PARD3B: variants seen among roughly 807,000 people sequenced by gnomAD.
PARD3B encodes the protein par-3 family cell polarity regulator beta.
PARD3B carries 103 observed loss-of-function variants against 130.2 expected under a neutral mutation model. That is an observed-to-expected ratio of 0.79 (90% CI 0.67 to 0.93). The LOEUF (loss-of-function observed/expected upper bound fraction) is 0.93, where lower values mean the gene tolerates loss of function less well. Ranked by LOEUF, PARD3B falls within the 40% of genes least tolerant of loss-of-function variation. The pLI, the probability that PARD3B is intolerant of heterozygous loss-of-function variation, is 0.00. For synonymous variants in PARD3B, 583 were observed against 553.2 expected (o/e 1.05, Z -0.76); for missense variants, 1,609 against 1,499.2 (o/e 1.07, Z -1.21).
rs2041659257 is a variant in PARD3B, at chr2:205,292,867, C to CTT, written c.2186-7663_2186-7662insTT. Among the ~76,000 whole-genome samples the CTT allele has an allele frequency of 6.6e-6, 1 of 152,146 alleles. No individual in the cohort carries two copies. Among genetic ancestry groups the CTT allele is most frequent in the African/African-American group, 2.4e-5 (1 of 41,428 alleles). On this transcript the variant is annotated intron_variant, in intron 16 of 22. Transcript: ENST00000406610. The surrounding 1 kb of genome is among the most constrained non-coding windows in gnomAD (Gnocchi z 5.3). ...CTTCCATTCCTCTTAGGACCAAGCA[C>CTT]AGTTATGAGCCACAAAAAATACCCA...
intron 16 of PARD3B, among the ~76,000 whole-genome samples, chr2:205,266,279 G>A (rs1358195014): frequency 6.6e-6 from 1 of 152,070 alleles, no homozygotes; most frequent in Non-Finnish European, 1.5e-5. Context: ...ACTGAATTTA[G>A]AACAAGAAGT....
chr2:205,198,668 G>A (rs1289845552), intron 15 of PARD3B, among the ~76,000 whole-genome samples: 1 of 151,944 alleles, frequency 6.6e-6, no homozygotes, highest in Non-Finnish European at 1.5e-5. Flanking sequence ...TACATTTCTA[G>A]TATCAGCTCA....
intron 20 of PARD3B, 42 bp from the exon 21 acceptor site, chr2:205,499,854 A>G (rs1384720602): frequency 6.3e-7 from 1 of 1,583,010 alleles, no homozygotes; most frequent in Non-Finnish European, 8.6e-7. Context: ...TTCAAAGATG[A>G]TGTACACTGT....
At chr2:205,580,453 G>A (rs1016236292) in intron 22 of PARD3B, among the ~76,000 whole-genome samples, 5 of 152,140 alleles carry the variant, frequency 3.3e-5, no homozygotes, top group African/African-American at 1.2e-4. Flanking sequence ...TGTTACAGGA[G>A]GGCATGTTGA....
rs1200840529 is a variant in PARD3B at position 205,563,253 on chromosome 2, T to C, written c.3260+9850T>C. Among the ~76,000 whole-genome samples, 1 of 152,208 alleles carries C rather than the reference T, an allele frequency of 6.6e-6. No individual in the cohort carries two copies. Among genetic ancestry groups the C allele is most frequent in the Non-Finnish European group, 1.5e-5 (1 of 68,026 alleles). On this transcript the variant is annotated intron_variant, in intron 22 of 22. Transcript: ENST00000406610. The surrounding 1 kb of genome is among the most constrained non-coding windows in gnomAD (Gnocchi z 4.2). ...AAATAGAAAATAAAACTAAGAACAA[T>C]CAAGGCAAGGGAGAGGTTGTAAAAC...
intron 22 of PARD3B, among the ~76,000 whole-genome samples, chr2:205,586,232 G>C (rs2054192186): frequency 1.3e-5 from 2 of 152,162 alleles, no homozygotes. Context: ...CCAATTCTCA[G>C]TTCAAGTTAC....
intron 4 of PARD3B, among the ~76,000 whole-genome samples, chr2:205,052,073 G>A (rs1283973404): frequency 6.6e-6 from 1 of 151,990 alleles, no homozygotes; most frequent in Non-Finnish European, 1.5e-5. Context: ...TTGTAACCTG[G>A]TGTTCTTGGC....
At chr2:205,469,241 A>G (rs1313418034) in intron 20 of PARD3B, among the ~76,000 whole-genome samples, 1 of 152,192 alleles carries the variant, frequency 6.6e-6, no homozygotes, top group Non-Finnish European at 1.5e-5. Context: ...CCTTAGCTAC[A>G]TGACTTCAAG....
intron 2 of PARD3B, among the ~76,000 whole-genome samples, chr2:204,782,036 C>T (rs1161809202): frequency 1.3e-5 from 2 of 151,972 alleles, no homozygotes; most frequent in Non-Finnish European, 2.9e-5. Context: ...TGATGAGAAA[C>T]AATGAAAATT....
intron 1 of PARD3B, among the ~76,000 whole-genome samples, chr2:204,667,730 T>TCA (rs1466026211): frequency 1.3e-5 from 2 of 152,276 alleles, no homozygotes; most frequent in East Asian, 3.9e-4. Flanking sequence ...AAAAAGGCAG[T>TCA]CACACATAGT....
At chr2:205,609,212 A>G (rs1247575325) in intron 22 of PARD3B, among the ~76,000 whole-genome samples, 2 of 152,216 alleles carry the variant, frequency 1.3e-5, no homozygotes, top group Non-Finnish European at 2.9e-5. Flanking sequence ...TGGAAACCTG[A>G]CACTAAAGGA....
Position 205,321,493 on chromosome 2 carries a change from T to TC in PARD3B, c.2630+19798dup, listed in dbSNP as rs1491048946. ...CTCTCTCTTTCCCTCTCTCTCTCTCTCCCCCCGCCCATATGAATGTATATG... is the reference window on the plus strand; with the variant it reads ...CTCTCTCTTTCCCTCTCTCTCTCTCTCCCCCCCGCCCATATGAATGTATATG... On this transcript the variant is annotated intron_variant, in intron 18 of 22. Coordinates refer to ENST00000406610, the MANE Select transcript of PARD3B (RefSeq NM_001302769.2). This position sits in a 1 kb window ranked among gnomAD's most constrained non-coding sequence, Gnocchi z 4.2. 6.6e-6 allele frequency among the ~76,000 whole-genome samples: 1 copy of TC among 151,796 alleles called. No homozygotes were observed. Among genetic ancestry groups the TC allele is most frequent in the East Asian group, 1.9e-4 (1 of 5,176 alleles).
At chr2:204,968,860 T>C (rs1691467962) in intron 3 of PARD3B, among the ~76,000 whole-genome samples, 1 of 152,176 alleles carries the variant, frequency 6.6e-6, no homozygotes, top group Non-Finnish European at 1.5e-5. Context: ...GCTGATGGGG[T>C]ATATATTTTT....
At chr2:205,113,304 A>G (rs899574625) in intron 5 of PARD3B, among the ~76,000 whole-genome samples, 187 bp from the exon 6 acceptor site, 37 of 152,006 alleles carry the variant, frequency 2.4e-4, no homozygotes, top group Admixed American at 1.4e-3. Context: ...ACTTTTAAAC[A>G]TTTTGTTTTC....
intron 14 of PARD3B, among the ~76,000 whole-genome samples, chr2:205,186,906 C>T (rs1046107742): frequency 6.6e-6 from 1 of 152,142 alleles, no homozygotes; most frequent in Non-Finnish European, 1.5e-5. Context: ...ATAAAAAAAG[C>T]CATTTAAAAC....
chr2:205,118,445 T>C (rs1196839193), intron 6 of PARD3B, among the ~76,000 whole-genome samples: 1 of 152,192 alleles, frequency 6.6e-6, no homozygotes, highest in East Asian at 1.9e-4. Flanking sequence ...CTGAGTAATA[T>C]GATCTGAGCT....
intron 15 of PARD3B, among the ~76,000 whole-genome samples, chr2:205,197,074 TGA>T (rs1184750726): frequency 7.5e-4 from 108 of 143,938 alleles, no homozygotes; most frequent in Middle Eastern, 7.0e-3. Flanking sequence ...TGTGTGTGTG[TGA>T]GAGAGAGAGA....
intron 19 of PARD3B, among the ~76,000 whole-genome samples, chr2:205,411,300 G>A (rs190552958): frequency 1.3e-5 from 2 of 152,212 alleles, no homozygotes; most frequent in Admixed American, 1.3e-4. Flanking sequence ...TTGAACCTAA[G>A]GATATGTATT....
chr2:204,740,376 A>G (rs2039959788), intron 2 of PARD3B, among the ~76,000 whole-genome samples: 1 of 152,138 alleles, frequency 6.6e-6, no homozygotes, highest in Admixed American at 6.6e-5. Flanking sequence ...TCTGTATGAA[A>G]TCAAATCCAG....
Sources: gnomAD v4.1 joint callset for allele counts (sites outside exome capture counted in the v4.1 genomes callset) on GRCh38, gnomAD v4.1.1 for gene constraint, Gnocchi (gnomAD v3.1) non-coding constraint, MANE v1.5 for transcripts, NCBI Gene and HGNC (gene_info 2026-07-23, HGNC 2026-07-21) for gene names.